GABRG1: variants seen among roughly 807,000 people sequenced by gnomAD.
GABRG1 encodes the protein gamma-aminobutyric acid type A receptor subunit gamma1.
Under a neutral mutation model 49.8 loss-of-function variants are expected in GABRG1, and 49 were observed. That is an observed-to-expected ratio of 0.98 (90% CI 0.78 to 1.25). The LOEUF is 1.25. Among genes scored for constraint, GABRG1 ranks in the 50% most tolerant of loss-of-function variants. The pLI is 0.00. For synonymous variants in GABRG1, 232 were observed against 185.1 expected, an observed-to-expected ratio of 1.25 and a Z score of -2.06; for missense variants, 552 against 552.3, an observed-to-expected ratio of 1.00 and a Z score of 0.01.
intron 5 of GABRG1, among the ~76,000 whole-genome samples, 178 bp from the exon 6 acceptor site, chr4:46,058,800 A>T (rs1270098985): frequency 6.6e-6 from 1 of 152,140 alleles, no homozygotes; most frequent in African/African-American, 2.4e-5. Flanking sequence ...CTAATCATAC[A>T]TGGATCAAAT....
At chr4:46,076,823 T>C (rs537005285) in intron 3 of GABRG1, among the ~76,000 whole-genome samples, 1 of 152,030 alleles carries the variant, frequency 6.6e-6, no homozygotes, top group Non-Finnish European at 1.5e-5. Context: ...CAAAAAATTT[T>C]TGAATTTGTT....
rs1287502424 is a variant in GABRG1 at position 46,040,097 on chromosome 4, T to G, written c.*891A>C. On this transcript the variant is annotated 3_prime_UTR_variant, in exon 9 of 9. Transcript: ENST00000295452. The stretch of plus-strand genomic sequence containing the variant: ...AAATACAAGCAATGTTCCTCAATAT[T>G]TTTATTTTAGGGACTGCAACACTTT... 1.3e-5 allele frequency: 2 copies of G among 151,832 alleles called. No homozygotes were observed. Among genetic ancestry groups the G allele is most frequent in the Non-Finnish European group, 2.9e-5 (2 of 67,876 alleles). The allele number at this position is 151,832 out of a possible 1,614,324, so 9.4% of individuals were successfully genotyped here. A position where few individuals can be genotyped will look rare whatever the true frequency, so the allele number is the denominator to read the frequency against.
intron 1 of GABRG1, among the ~76,000 whole-genome samples, chr4:46,105,791 TGATAGATAGATA>T (rs10660132): frequency 6.7e-4 from 97 of 144,662 alleles, no homozygotes; most frequent in East Asian, 1.7e-3. Flanking sequence ...GGTAGATAGA[TGATAGATAGATA>T]GATAGATAGA....
Position 46,065,346 on chromosome 4 carries a change from T to G in GABRG1, c.542+18A>C, listed in dbSNP as rs769928303. ...GAAAATAAATGAGAGCAACTACAGA[T>G]TTTTAAACCAATATTACCTTAGAGT... is the stretch of plus-strand genomic sequence containing the variant. On this transcript the variant is annotated intron_variant, in intron 4 of 8. Transcript: ENST00000295452. The G allele has an allele frequency of 2.9e-5, 43 of 1,464,492 alleles. No individual in the cohort carries two copies. The South Asian group carries it at 4.6e-4, about 16-fold the overall frequency. 90.7% of individuals were successfully genotyped at this position (1,464,492 alleles called of 1,614,324 possible).
At chr4:46,062,565 A>G (rs1169135800) in intron 5 of GABRG1, among the ~76,000 whole-genome samples, 1 of 152,136 alleles carries the variant, frequency 6.6e-6, no homozygotes, top group Non-Finnish European at 1.5e-5. Context: ...AATGATCGCC[A>G]TTTTAACTGG....
intron 1 of GABRG1, among the ~76,000 whole-genome samples, chr4:46,105,699 G>C (rs1373625832): frequency 6.6e-6 from 1 of 151,116 alleles, no homozygotes; most frequent in Non-Finnish European, 1.5e-5. Context: ...ACTATCTCCA[G>C]ACACATAATC....
chr4:46,044,363 C>A (rs952676991), intron 8 of GABRG1, among the ~76,000 whole-genome samples: 35 of 151,844 alleles, frequency 2.3e-4, no homozygotes, highest in Middle Eastern at 3.4e-3. Context: ...TGTTTGCAAT[C>A]CCAGCTATTT....
At chr4:46,073,247 C>T (rs146910611) in intron 3 of GABRG1, among the ~76,000 whole-genome samples, 32 of 152,008 alleles carry the variant, frequency 2.1e-4, no homozygotes, top group Non-Finnish European at 1.2e-4. Context: ...TGCCCAGTGA[C>T]TATTCTATAT....
At chr4:46,119,820 GCATTTAAAAGA>G (rs1721043815) in intron 1 of GABRG1, among the ~76,000 whole-genome samples, 1 of 151,540 alleles carries the variant, frequency 6.6e-6, no homozygotes, top group Non-Finnish European at 1.5e-5. Flanking sequence ...AGCATAAGCT[GCATTTAAAAGA>G]CATTTAAAAG....
intron 1 of GABRG1, among the ~76,000 whole-genome samples, chr4:46,118,720 T>G (rs1462013862): frequency 1.3e-5 from 2 of 151,248 alleles, no homozygotes; most frequent in African/African-American, 4.8e-5. Flanking sequence ...ACTGAATGAA[T>G]TAATAGCTAA....
Position 46,064,533 on chromosome 4 carries a change from T to C in GABRG1, c.543-10A>G. The stretch of plus-strand genomic sequence containing the variant: ...TGCATTAATTGTCAATCTATTTAGA[T>C]GGAAAGAAAAGTATTAAATAAAGAT... On this transcript the variant is annotated splice_polypyrimidine_tract_variant and intron_variant, in intron 4 of 8. Transcript: ENST00000295452. 2 of 1,368,306 alleles carry C rather than the reference T, an allele frequency of 1.5e-6. No individual in the cohort carries two copies. Among genetic ancestry groups the C allele is most frequent in the Non-Finnish European group, 2.0e-6 (2 of 1,006,628 alleles). The allele number at this position is 1,368,306 out of a possible 1,614,324, so 84.8% of individuals were successfully genotyped here. A position where few individuals can be genotyped will look rare whatever the true frequency, so the allele number is the denominator to read the frequency against.
Position 46,072,968 on chromosome 4 carries a change from T to C in GABRG1, c.322-7384A>G, listed in dbSNP as rs552977611. ...TTTAGATATATTTATGATAATATAA[T>C]TTTTATTTAAAATCTAGCAATCTGG... is the stretch of plus-strand genomic sequence containing the variant. On this transcript the variant is annotated intron_variant, in intron 3 of 8. Transcript: ENST00000295452. 2.0e-5 allele frequency among the ~76,000 whole-genome samples: 3 copies of C among 152,034 alleles called. No individual in the cohort carries two copies. In the East Asian group the frequency reaches 5.8e-4, roughly 29 times the overall value.
intron 3 of GABRG1, among the ~76,000 whole-genome samples, chr4:46,068,741 G>C (rs995706675): frequency 6.6e-6 from 1 of 152,056 alleles, no homozygotes; most frequent in African/African-American, 2.4e-5. Flanking sequence ...TTTTGTATTA[G>C]TGTAATTTCC....
intron 7 of GABRG1, 99 bp downstream of exon 7, chr4:46,058,118 T>C (rs1718521704): frequency 1.7e-6 from 2 of 1,171,316 alleles, no homozygotes; most frequent in Non-Finnish European, 2.4e-6. Flanking sequence ...GACTGTAGTC[T>C]AGAAGAATAT....
At chr4:46,082,176 A>G (rs1719600552) in intron 3 of GABRG1, among the ~76,000 whole-genome samples, 1 of 151,946 alleles carries the variant, frequency 6.6e-6, no homozygotes. Flanking sequence ...GGTTGCTCAT[A>G]TTGGCATTGT....
chr4:46,088,451 C>T (rs1366467492), intron 2 of GABRG1, among the ~76,000 whole-genome samples: 1 of 151,742 alleles, frequency 6.6e-6, no homozygotes, highest in Non-Finnish European at 1.5e-5. Flanking sequence ...TTATTTTGTT[C>T]TGACTTTTAC....
intron 1 of GABRG1, 111 bp downstream of exon 1, chr4:46,123,699 G>T: frequency 1.4e-6 from 1 of 710,952 alleles, no homozygotes; most frequent in East Asian, 2.7e-5. Context: ...CCACATATGT[G>T]TTAGGAAATG....
At chr4:46,078,122 TAG>T (rs1719428443) in intron 3 of GABRG1, among the ~76,000 whole-genome samples, 1 of 151,848 alleles carries the variant, frequency 6.6e-6, no homozygotes, top group African/African-American at 2.4e-5. Context: ...ATTAAAACCA[TAG>T]TTTCAAGCTT....
chr4:46,047,676 A>C (rs2109394686), intron 8 of GABRG1, among the ~76,000 whole-genome samples: 1 of 152,002 alleles, frequency 6.6e-6, no homozygotes, highest in South Asian at 2.1e-4. Flanking sequence ...TTGTTATTTA[A>C]AAATAATAAA....
Sources: gnomAD v4.1 joint callset for allele counts (sites outside exome capture counted in the v4.1 genomes callset) on GRCh38, gnomAD v4.1.1 for gene constraint, MANE v1.5 for transcripts, NCBI Gene and HGNC (gene_info 2026-07-23, HGNC 2026-07-21) for gene names.